Variants in TTC7B observed in about 807,000 individuals in gnomAD.
TTC7B encodes tetratricopeptide repeat protein 7B.
Under a neutral mutation model 106.8 loss-of-function variants are expected in TTC7B, and 28 were observed. The observed-to-expected ratio is 0.26, with a 90% CI of 0.19 to 0.36. TTC7B has a LOEUF of 0.36. Ranked by LOEUF, TTC7B falls within the 10% of genes least tolerant of loss-of-function variation. TTC7B has a pLI of 1.00. For synonymous variants in TTC7B, 405 were observed against 430.6 expected (o/e 0.94, Z 0.74); for missense variants, 862 against 1,076.4 (o/e 0.80, Z 2.79).
chr14:90,702,169 T>C (rs1888017971), intron 5 of TTC7B, among the ~76,000 whole-genome samples: 1 of 152,206 alleles, frequency 6.6e-6, no homozygotes, highest in Admixed American at 6.5e-5. Context: ...ATTGTTGACC[T>C]TGGGCAAGTG....
rs1266426857 is a variant in TTC7B, at chr14:90,663,014, C to T, written c.1153-4627G>A. Among the ~76,000 whole-genome samples the T allele has an allele frequency of 6.6e-6, 1 of 152,190 alleles. No individual in the cohort carries two copies. The highest frequency in any genetic ancestry group is 6.5e-5 in the Admixed American group (1 of 15,286). On this transcript the variant is annotated intron_variant, in intron 9 of 19. Transcript: ENST00000328459. This position sits in a 1 kb window ranked among gnomAD's most constrained non-coding sequence, Gnocchi z 4.5. ...CCCTTGAGAAGAGGGCACAACTTTA[C>T]AGAACTGGACCGGAATGTACGCTTA...
At chr14:90,593,726 T>C in intron 17 of TTC7B, 100 bp from the exon 18 acceptor site, 1 of 1,184,454 alleles carries the variant, frequency 8.4e-7, no homozygotes, top group Non-Finnish European at 1.1e-6. Context: ...ACACACCCCT[T>C]CCCCCATGAT....
intron 15 of TTC7B, among the ~76,000 whole-genome samples, chr14:90,630,959 C>T (rs1025482974): frequency 2.0e-5 from 3 of 152,030 alleles, no homozygotes; most frequent in Admixed American, 6.6e-5. Flanking sequence ...CTCAGCCTCC[C>T]GAGTAGCTGG....
chr14:90,570,637 T>G lies in TTC7B; in HGVS notation c.2310+7469A>C, dbSNP rs1890995186. Among the ~76,000 whole-genome samples the G allele has an allele frequency of 1.3e-5, 2 of 151,466 alleles. No individual in the cohort carries two copies. The highest frequency in any genetic ancestry group is 6.6e-5 in the Admixed American group (1 of 15,200). On this transcript the variant is annotated intron_variant, in intron 19 of 19. Coordinates refer to ENST00000328459, the MANE Select transcript of TTC7B (RefSeq NM_001010854.2). This position sits in a 1 kb window ranked among gnomAD's most constrained non-coding sequence, Gnocchi z 4.0. ...GGCTCCTCCAACCAGTGAAAGTCAG[T>G]CACGCTGGTGCAGAAAGGGAAGCTC... is the stretch of plus-strand genomic sequence containing the variant.
chr14:90,625,587 G>A (rs866528082), intron 15 of TTC7B, among the ~76,000 whole-genome samples: 1 of 152,142 alleles, frequency 6.6e-6, no homozygotes, highest in Non-Finnish European at 1.5e-5. Flanking sequence ...CCCGACCTCC[G>A]CCAGGTGAGC....
In TTC7B at chr14:90,534,147, G is replaced by T. The variant is rs1177667322; in HGVS notation, c.*7221C>A. ...GGTGTGACCTTGAGGGGGGGCCTCA[G>T]CCTGGCCCCCAAAAGACCTTCAGGA... On this transcript the variant is annotated 3_prime_UTR_variant, in exon 20 of 20. Coordinates refer to ENST00000328459, the MANE Select transcript of TTC7B (RefSeq NM_001010854.2). 1 of 152,378 alleles carries T rather than the reference G, an allele frequency of 6.6e-6. No individual in the cohort carries two copies. Among genetic ancestry groups the T allele is most frequent in the Non-Finnish European group, 1.5e-5 (1 of 68,140 alleles). The allele number at this position is 152,378 out of a possible 1,614,324, so 9.4% of individuals were successfully genotyped here.
intron 16 of TTC7B, among the ~76,000 whole-genome samples, chr14:90,616,688 AT>A (rs898837831): frequency 8.6e-5 from 13 of 150,794 alleles, no homozygotes; most frequent in South Asian, 2.1e-4. Context: ...GACTTTGAAC[AT>A]TTTTTTTTAA....
rs1054488454 is a variant in TTC7B, at chr14:90,593,507, C to T, written c.2086G>A (p.Ala696Thr). The T allele has an allele frequency of 2.5e-6, 4 of 1,607,060 alleles. No homozygotes were observed. The highest frequency in any genetic ancestry group is 1.3e-5 in the African/African-American group (1 of 74,800). ...QGPLHPWMTL[A>T]QIWLHAAEVY... ...GTACCTGCATGGAGCCAGATCTGTGCCAGCGTCATCCAGGGGTGCAGCGGG... is the reference window on the plus strand; with the variant it reads ...GTACCTGCATGGAGCCAGATCTGTGTCAGCGTCATCCAGGGGTGCAGCGGG... Residue 696 changes from alanine to threonine, a missense_variant, in exon 18 of 20, where the codon GCA becomes ACA. Coordinates refer to ENST00000328459, the MANE Select transcript of TTC7B (RefSeq NM_001010854.2).
At chr14:90,573,481 C>T (rs1245887518) in intron 19 of TTC7B, among the ~76,000 whole-genome samples, 3 of 124,162 alleles carry the variant, frequency 2.4e-5, no homozygotes, top group Non-Finnish European at 5.0e-5. Flanking sequence ...AGGCCCTCTC[C>T]GCCTCACGGT....
chr14:90,776,492 C>G (rs1398015436), intron 3 of TTC7B, among the ~76,000 whole-genome samples: 1 of 152,138 alleles, frequency 6.6e-6, no homozygotes, highest in Non-Finnish European at 1.5e-5. Context: ...TTCTAATGTA[C>G]TGTGCTACGA....
At chr14:90,783,810 G>A (rs1057367970) in intron 2 of TTC7B, among the ~76,000 whole-genome samples, 6 of 152,030 alleles carry the variant, frequency 3.9e-5, no homozygotes, top group African/African-American at 9.7e-5. Context: ...GGTGGCATGC[G>A]GCTGTAGTCA....
At chr14:90,793,457 G>A (rs373446084) in intron 1 of TTC7B, among the ~76,000 whole-genome samples, 10 of 150,774 alleles carry the variant, frequency 6.6e-5, no homozygotes, top group Non-Finnish European at 1.0e-4. Flanking sequence ...CCCAAGAGGC[G>A]GAGGTTATAG....
chr14:90,556,512 A>G (rs999910632), intron 19 of TTC7B, among the ~76,000 whole-genome samples: 2 of 152,114 alleles, frequency 1.3e-5, no homozygotes, highest in African/African-American at 4.8e-5. Context: ...GTAATGGGCA[A>G]GAGACTCCTG....
rs60288596 is a variant in TTC7B, at chr14:90,537,297, C to T, written c.*4071G>A. ...AACCACCTGGGCTCAAGCAATCAGC[C>T]CATCTCAGCCTCCCAAGCAGCTGGG... On this transcript the variant is annotated 3_prime_UTR_variant, in exon 20 of 20. Transcript: ENST00000328459. 0.047 allele frequency: 7,109 copies of T among 152,062 alleles called. 252 individuals are homozygous for T. Among genetic ancestry groups the T allele is most frequent in the East Asian group, 0.16 (826 of 5,154 alleles). The allele number at this position is 152,062 out of a possible 1,614,324, so 9.4% of individuals were successfully genotyped here.
intron 19 of TTC7B, among the ~76,000 whole-genome samples, chr14:90,560,313 G>C (rs1248983766): frequency 6.6e-6 from 1 of 152,224 alleles, no homozygotes; most frequent in Non-Finnish European, 1.5e-5. Flanking sequence ...GCCAGGGAGA[G>C]GTGAGAGGAA....
In TTC7B at chr14:90,730,059, A is replaced by C; in HGVS notation, c.698+16T>G. 6.3e-7 allele frequency: 1 copy of C among 1,592,448 alleles called. No individual in the cohort carries two copies. The highest frequency in any genetic ancestry group is 1.4e-5 in the African/African-American group (1 of 73,502). ...CTTCTTTAGGAAGTGGATTTAAAAAAATGAAGATGGCTTACCCATTTTTGA... is the reference window on the plus strand; with the variant it reads ...CTTCTTTAGGAAGTGGATTTAAAAACATGAAGATGGCTTACCCATTTTTGA... On this transcript the variant is annotated intron_variant, in intron 5 of 19. Coordinates refer to ENST00000328459, the MANE Select transcript of TTC7B (RefSeq NM_001010854.2).
At chr14:90,582,332 G>A (rs1891532890) in intron 18 of TTC7B, among the ~76,000 whole-genome samples, 1 of 152,218 alleles carries the variant, frequency 6.6e-6, no homozygotes, top group Non-Finnish European at 1.5e-5. Context: ...GTGTGGCCTT[G>A]GGCAAGTCAA....
Position 90,657,114 on chromosome 14 carries a change from A to C in TTC7B, c.1341+60T>G. 1 of 1,409,488 alleles carries C rather than the reference A, an allele frequency of 7.1e-7. No homozygotes were observed. The highest frequency in any genetic ancestry group is 1.2e-5 in the South Asian group (1 of 85,054). The allele number at this position is 1,409,488 out of a possible 1,614,324, so 87.3% of individuals were successfully genotyped here. ...TCTCTCTGTGCCTCGACATGAAAAA[A>C]ATGGGCAGTCCTGGCCCAGAGTCCT... On this transcript the variant is annotated intron_variant, in intron 11 of 19. Coordinates refer to ENST00000328459, the MANE Select transcript of TTC7B (RefSeq NM_001010854.2). This position sits in a 1 kb window ranked among gnomAD's most constrained non-coding sequence, Gnocchi z 4.2.
Position 90,539,799 on chromosome 14 carries a change from AACACCTCT to A in TTC7B, c.*1561_*1568del, listed in dbSNP as rs1889511860. The A allele has an allele frequency of 6.6e-6, 1 of 152,256 alleles. No individual in the cohort carries two copies. The highest frequency in any genetic ancestry group is 1.5e-5 in the Non-Finnish European group (1 of 68,070). The allele number at this position is 152,256 out of a possible 1,614,324, so 9.4% of individuals were successfully genotyped here. ...TCTGTGGGATTCGGACTTTGGCTCA[AACACCTCT>A]ACACCTTCTTCTCATGGTGGCAAGA... On this transcript the variant is annotated 3_prime_UTR_variant, in exon 20 of 20. Coordinates refer to ENST00000328459, the MANE Select transcript of TTC7B (RefSeq NM_001010854.2).
Sources: allele counts gnomAD v4.1 joint callset (sites outside exome capture counted in the v4.1 genomes callset), GRCh38; gene constraint gnomAD v4.1.1; non-coding constraint Gnocchi (gnomAD v3.1); transcripts MANE v1.5; gene names NCBI Gene and HGNC (gene_info 2026-07-23, HGNC 2026-07-21).